SLC41A2: variants seen among roughly 807,000 people sequenced by gnomAD.
SLC41A2 encodes the protein solute carrier family 41 member 2.
In SLC41A2, 32 loss-of-function variants were observed where a neutral mutation model predicts 58.3. The observed-to-expected ratio is 0.55, with a 90% confidence interval of 0.41 to 0.74. The LOEUF (loss-of-function observed/expected upper bound fraction) is 0.74. Among genes scored for constraint, SLC41A2 ranks in the 30% least tolerant of loss-of-function variants. The pLI is 0.00. For missense variants in SLC41A2, 514 were observed against 680.6 expected (o/e 0.76, Z 2.72); for synonymous variants, 190 against 235.0 (o/e 0.81, Z 1.75).
At chr12:104,867,072 G>A (rs1033926472) in intron 6 of SLC41A2, among the ~76,000 whole-genome samples, 1 of 152,084 alleles carries the variant, frequency 6.6e-6, no homozygotes, top group Non-Finnish European at 1.5e-5. Context: ...CAAAGTTAGT[G>A]CTCTTAACTC....
intron 8 of SLC41A2, among the ~76,000 whole-genome samples, chr12:104,854,979 G>A (rs1253834914): frequency 6.6e-6 from 1 of 152,100 alleles, no homozygotes; most frequent in African/African-American, 2.4e-5. Flanking sequence ...GTGGCCCACC[G>A]TTTCATGGGC....
intron 3 of SLC41A2, among the ~76,000 whole-genome samples, chr12:104,905,193 G>A (rs983426489): frequency 3.3e-5 from 5 of 152,132 alleles, no homozygotes; most frequent in African/African-American, 1.2e-4. Context: ...CAAACCTTGA[G>A]CTAAACACAG....
chr12:104,827,137 G>A (rs1052987318), intron 10 of SLC41A2, among the ~76,000 whole-genome samples: 1 of 152,156 alleles, frequency 6.6e-6, no homozygotes. Flanking sequence ...TTCCTGGAGC[G>A]GCTAAGAGAG....
chr12:104,830,751 G>A (rs1438296818), intron 10 of SLC41A2, among the ~76,000 whole-genome samples: 1 of 151,938 alleles, frequency 6.6e-6, no homozygotes, highest in Non-Finnish European at 1.5e-5. Context: ...TAAAAACAAG[G>A]GCTTGTCAAA....
chr12:104,949,233 A>G (rs12371663), intron 1 of SLC41A2, among the ~76,000 whole-genome samples: 11,408 of 152,196 alleles, frequency 0.075, 490 homozygotes, highest in Middle Eastern at 0.11. Context: ...AAATAAATAA[A>G]TAAGTAAAAT....
intron 1 of SLC41A2, among the ~76,000 whole-genome samples, chr12:104,955,357 A>G (rs2048122996): frequency 2.0e-5 from 3 of 151,836 alleles, no homozygotes; most frequent in Non-Finnish European, 4.4e-5. Context: ...GATTACCCTC[A>G]CAACCTGATT....
In SLC41A2 at chr12:104,866,384, A is replaced by G. The variant is rs747722666; in HGVS notation, c.1175+48T>C. The G allele has an allele frequency of 1.5e-3, 182 of 117,428 alleles. No individual in the cohort carries two copies. In the African/African-American group the frequency reaches 0.019, roughly 12 times the overall value. The allele number at this position is 117,428 out of a possible 1,614,324, so 7.3% of individuals were successfully genotyped here. On this transcript the variant is annotated intron_variant, in intron 7 of 10. Transcript: ENST00000258538. ...GACACACAAAGACAGACAGACGTAC[A>G]CACACACACACACACACACACACAC...
rs1476068411 is a variant in SLC41A2, at chr12:104,935,250, C to T, written c.-167-6556G>A. On this transcript the variant is annotated intron_variant, in intron 1 of 10. Transcript: ENST00000258538. Reference sequence around the variant, plus strand: ...CTGGGATCATAGGCATGAGCCACCACGCCCGGCCTGGAAGAGTAAGTTTTG... The same window carrying T: ...CTGGGATCATAGGCATGAGCCACCATGCCCGGCCTGGAAGAGTAAGTTTTG... 1.2e-4 allele frequency among the ~76,000 whole-genome samples: 19 copies of T among 152,132 alleles called. 1 individual carries two copies. Among genetic ancestry groups the T allele is most frequent in the Admixed American group, 1.0e-3 (16 of 15,268 alleles).
chr12:104,814,904 T>G (rs1174071396), intron 10 of SLC41A2, among the ~76,000 whole-genome samples: 1 of 152,228 alleles, frequency 6.6e-6, no homozygotes, highest in East Asian at 1.9e-4. Context: ...ACGAATAAAT[T>G]TATGTCTTCA....
intron 8 of SLC41A2, among the ~76,000 whole-genome samples, chr12:104,846,497 C>T (rs959612990): frequency 6.6e-6 from 1 of 152,336 alleles, no homozygotes; most frequent in African/African-American, 2.4e-5. Flanking sequence ...TAAATTGTTT[C>T]TCCTTTTGCA....
At chr12:104,816,598 AAAG>A (rs748414132) in intron 10 of SLC41A2, among the ~76,000 whole-genome samples, 5 of 152,204 alleles carry the variant, frequency 3.3e-5, no homozygotes, top group Non-Finnish European at 5.9e-5. Context: ...GAGTCTAATA[AAAG>A]AAGATTTTCA....
intron 8 of SLC41A2, among the ~76,000 whole-genome samples, chr12:104,860,592 T>TA (rs923254881): frequency 1.3e-5 from 2 of 151,916 alleles, no homozygotes; most frequent in Admixed American, 6.6e-5. Context: ...TTTTTTCTTT[T>TA]ATTTTTTTTT....
intron 8 of SLC41A2, among the ~76,000 whole-genome samples, chr12:104,854,613 G>A (rs73399929): frequency 0.024 from 3,599 of 151,226 alleles, 97 homozygotes; most frequent in East Asian, 0.15. Context: ...TTCCCAACCA[G>A]TGTGCCTCAC....
chr12:104,834,660 G>A (rs1427839718), intron 10 of SLC41A2, among the ~76,000 whole-genome samples: 1 of 151,620 alleles, frequency 6.6e-6, no homozygotes, highest in African/African-American at 2.4e-5. Flanking sequence ...TGGGAACAGG[G>A]TTTGAGTTAG....
intron 10 of SLC41A2, among the ~76,000 whole-genome samples, chr12:104,838,163 G>A (rs777048674): frequency 3.3e-5 from 5 of 152,216 alleles, no homozygotes; most frequent in Non-Finnish European, 7.3e-5. Context: ...CTTTTGGTAA[G>A]TATGTAGAGG....
chr12:104,837,546 G>T (rs1169643351), intron 10 of SLC41A2, among the ~76,000 whole-genome samples: 4 of 152,158 alleles, frequency 2.6e-5, no homozygotes, highest in African/African-American at 9.7e-5. Flanking sequence ...ATGTAGAACA[G>T]GAGTCCAGAC....
chr12:104,848,935 T>C (rs1272280111), intron 8 of SLC41A2, among the ~76,000 whole-genome samples: 1 of 151,502 alleles, frequency 6.6e-6, no homozygotes, highest in Non-Finnish European at 1.5e-5. Flanking sequence ...AAATCTGACA[T>C]ATGACAAAGG....
intron 8 of SLC41A2, among the ~76,000 whole-genome samples, chr12:104,859,799 C>A (rs1004343319): frequency 2.6e-5 from 4 of 151,982 alleles, no homozygotes; most frequent in African/African-American, 9.7e-5. Context: ...GTAGCGTGAT[C>A]TTGGCTCACT....
chr12:104,940,479 C>T (rs1284539648), intron 1 of SLC41A2, among the ~76,000 whole-genome samples: 1 of 148,444 alleles, frequency 6.7e-6, no homozygotes, highest in Non-Finnish European at 1.5e-5. Flanking sequence ...CACATGTACC[C>T]TAAAATTTAA....
Sources: gnomAD v4.1 joint callset for allele counts (sites outside exome capture counted in the v4.1 genomes callset) on GRCh38, gnomAD v4.1.1 for gene constraint, MANE v1.5 for transcripts, NCBI Gene and HGNC (gene_info 2026-07-23, HGNC 2026-07-21) for gene names.